The following RBFOX1 variants were observed in gnomAD, a reference collection of about 807,000 sequenced individuals.
RBFOX1 encodes RNA binding fox-1 homolog 1.
A neutral mutation model predicts 57.7 loss-of-function variants in RBFOX1; 8 were observed. The ratio of observed to expected loss-of-function variants is 0.14; its 90% CI spans 0.08 to 0.25. RBFOX1 has a LOEUF of 0.25. RBFOX1 is among the 10% of genes least tolerant of loss of function. The pLI is 1.00. For synonymous variants in RBFOX1, 326 were observed against 222.4 expected (o/e 1.47, Z -4.15); for missense variants, 611 against 548.5 (o/e 1.11, Z -1.14).
intron 3 of RBFOX1, among the ~76,000 whole-genome samples, chr16:6,891,604 C>G (rs2065443066): frequency 6.6e-6 from 1 of 152,188 alleles, no homozygotes; most frequent in African/African-American, 2.4e-5. Flanking sequence ...CACCATTGTT[C>G]CAAATCACTG....
In RBFOX1 at chr16:5,485,345, C is replaced by CAAAAAAA. The variant is rs71142624; in HGVS notation, c.258+18108_258+18114dup. 1.1e-3 allele frequency among the ~76,000 whole-genome samples: 57 copies of CAAAAAAA among 51,668 alleles called. 5 individuals are homozygous for CAAAAAAA. Among genetic ancestry groups the CAAAAAAA allele is most frequent in the South Asian group, 6.0e-3 (4 of 668 alleles). The allele number at this position is 51,668 out of a possible 152,430, so 33.9% of individuals were successfully genotyped here. ...TGGGCGACAGAGCCAGACTCCGTGT[C>CAAAAAAA]AAAAAAAAAAAAAAAAAAAAAAAGT... On this transcript the variant is annotated intron_variant, in intron 2 of 2. Transcript: ENST00000585867.
chr16:7,505,688 G>A (rs544556676), intron 4 of RBFOX1, among the ~76,000 whole-genome samples: 4 of 152,134 alleles, frequency 2.6e-5, no homozygotes, highest in South Asian at 2.1e-4. Flanking sequence ...CCGCCCACTC[G>A]GTTGGCTTGT....
chr16:6,911,520 C>T (rs955300340), intron 3 of RBFOX1, among the ~76,000 whole-genome samples: 2 of 152,078 alleles, frequency 1.3e-5, no homozygotes, highest in Admixed American at 1.3e-4. Flanking sequence ...GTCTCCCTGT[C>T]CAAATTTCCC....
At chr16:7,483,328 C>A (rs12919838) in intron 4 of RBFOX1, among the ~76,000 whole-genome samples, 1 of 151,982 alleles carries the variant, frequency 6.6e-6, no homozygotes, top group Non-Finnish European at 1.5e-5. Context: ...ACCTGTTGTC[C>A]TATCCCAGAT....
Position 6,630,325 on chromosome 16 carries a change from C to T in RBFOX1, c.-63-24278C>T, listed in dbSNP as rs538901440. Among the ~76,000 whole-genome samples, 12 of 152,270 alleles carry T rather than the reference C, an allele frequency of 7.9e-5. No individual in the cohort carries two copies. In the East Asian group the frequency reaches 2.1e-3, roughly 27 times the overall value. On this transcript the variant is annotated intron_variant, in intron 2 of 15. Coordinates refer to ENST00000550418, the MANE Select transcript of RBFOX1 (RefSeq NM_018723.4). ...AGGAGAGGAGAGAAGACATTAATTT[C>T]AAAATCCATCCATCCATCCATGCAT...
chr16:5,528,058 A>G (rs1009644874), intron 2 of RBFOX1, among the ~76,000 whole-genome samples: 4 of 152,062 alleles, frequency 2.6e-5, no homozygotes, highest in African/African-American at 7.2e-5. Context: ...TCAAACACCT[A>G]TTTACTGCAT....
Position 5,587,469 on chromosome 16 carries a change from T to A in RBFOX1, c.259-11433T>A, listed in dbSNP as rs147475265. Among the ~76,000 whole-genome samples, 494 of 152,258 alleles carry A rather than the reference T, an allele frequency of 3.2e-3. 9 individuals carry two copies. Among genetic ancestry groups the A allele is most frequent in the Admixed American group, 0.023 (345 of 15,294 alleles). ...CGCTCACGCCTGTCATCCCAGCACT[T>A]TGGGAGGCTGAGGCAGGTGCATCAC... On this transcript the variant is annotated intron_variant, in intron 2 of 2. Transcript: ENST00000585867.
chr16:7,158,697 TTGTG>T (rs146293197), intron 4 of RBFOX1, among the ~76,000 whole-genome samples: 32,741 of 151,510 alleles, frequency 0.22, 4,429 homozygotes, highest in East Asian at 0.39. Context: ...GTCTGTGTGT[TTGTG>T]TGGTGCATAT....
chr16:6,247,882 A>G (rs1324699416), intron 1 of RBFOX1, among the ~76,000 whole-genome samples: 4 of 152,192 alleles, frequency 2.6e-5, no homozygotes, highest in African/African-American at 9.6e-5. Context: ...CCACATTGTC[A>G]TAAGCTCCAG....
chr16:6,635,824 C>G (rs558906980), intron 2 of RBFOX1, among the ~76,000 whole-genome samples: 96 of 152,126 alleles, frequency 6.3e-4, no homozygotes, highest in Non-Finnish European at 1.0e-3. Context: ...TCATATTCAC[C>G]TGAATAAGTA....
At chr16:7,205,971 A>G (rs917066164) in intron 4 of RBFOX1, among the ~76,000 whole-genome samples, 7 of 152,348 alleles carry the variant, frequency 4.6e-5, no homozygotes, top group African/African-American at 1.4e-4. Flanking sequence ...TTGATCTACG[A>G]CATGATGAGC....
At chr16:5,552,787 C>G (rs1365327988) in intron 2 of RBFOX1, among the ~76,000 whole-genome samples, 14 of 152,160 alleles carry the variant, frequency 9.2e-5, no homozygotes, top group Admixed American at 6.5e-5. Context: ...AATGAAGTCC[C>G]TGCTGCTAAA....
At chr16:5,860,568 A>G (rs963841015) in intron 3 of RBFOX1, among the ~76,000 whole-genome samples, 1 of 152,128 alleles carries the variant, frequency 6.6e-6, no homozygotes. Context: ...GTTATCCCCA[A>G]ATGGATCATT....
intron 1 of RBFOX1, among the ~76,000 whole-genome samples, chr16:5,433,661 C>T (rs184821020): frequency 6.6e-6 from 1 of 152,290 alleles, no homozygotes; most frequent in East Asian, 1.9e-4. Context: ...TTGTGTGTGG[C>T]ATTTGTCGCA....
At chr16:5,393,687 T>A (rs116148389) in intron 1 of RBFOX1, among the ~76,000 whole-genome samples, 2,802 of 152,302 alleles carry the variant, frequency 0.018, 95 homozygotes, top group African/African-American at 0.063. Flanking sequence ...TTTTTGTTTT[T>A]TTAAAAAAGG....
intron 1 of RBFOX1, among the ~76,000 whole-genome samples, chr16:6,215,132 G>C (rs1341987037): frequency 1.5e-5 from 2 of 134,216 alleles, no homozygotes; most frequent in Non-Finnish European, 3.2e-5. Flanking sequence ...AAGAGAGAAG[G>C]AGAAGAGAAG....
chr16:5,901,582 C>G (rs2058305771), intron 4 of RBFOX1, among the ~76,000 whole-genome samples: 1 of 152,150 alleles, frequency 6.6e-6, no homozygotes, highest in African/African-American at 2.4e-5. Flanking sequence ...TTCAGCCCCT[C>G]AGCCATAACA....
At chr16:6,664,517 A>G (rs941679388) in intron 3 of RBFOX1, among the ~76,000 whole-genome samples, 4 of 152,206 alleles carry the variant, frequency 2.6e-5, no homozygotes, top group South Asian at 4.1e-4. Context: ...GATGTGATAC[A>G]TATACCACAA....
intron 14 of RBFOX1, among the ~76,000 whole-genome samples, chr16:7,690,588 G>C (rs1382825050): frequency 6.6e-5 from 10 of 152,258 alleles, no homozygotes; most frequent in Non-Finnish European, 1.3e-4. Context: ...GTTTGCATAA[G>C]GAGACAGACC....
Sources: allele counts gnomAD v4.1 joint callset (sites outside exome capture counted in the v4.1 genomes callset), GRCh38; gene constraint gnomAD v4.1.1; transcripts MANE v1.5; gene names NCBI Gene and HGNC (gene_info 2026-07-23, HGNC 2026-07-21).